CDH13: variants seen among roughly 807,000 people sequenced by gnomAD.
CDH13 encodes the protein cadherin 13.
Under a neutral mutation model 63.8 loss-of-function variants are expected in CDH13, and 24 were observed. The ratio of observed to expected loss-of-function variants is 0.38; its 90% CI spans 0.27 to 0.53. The LOEUF (loss-of-function observed/expected upper bound fraction) is 0.53, where lower values mean the gene tolerates loss of function less well. Ranked by LOEUF, CDH13 falls within the 20% of genes least tolerant of loss-of-function variation. CDH13 has a pLI of 0.85. For synonymous variants in CDH13, 503 were observed against 355.3 expected, an observed-to-expected ratio of 1.42 and a Z score of -4.67; for missense variants, 1,049 against 903.1, an observed-to-expected ratio of 1.16 and a Z score of -2.07.
intron 6 of CDH13, among the ~76,000 whole-genome samples, chr16:83,377,425 T>A (rs2091479472): frequency 6.6e-6 from 1 of 152,132 alleles, no homozygotes; most frequent in Non-Finnish European, 1.5e-5. Context: ...AATTATAGAT[T>A]TAGGTTATAG....
chr16:83,649,196 G>C (rs1912129512), intron 8 of CDH13, among the ~76,000 whole-genome samples: 2 of 152,210 alleles, frequency 1.3e-5, no homozygotes, highest in African/African-American at 4.8e-5. Flanking sequence ...TGCTCCATGT[G>C]GGTTCTATAA....
intron 3 of CDH13, among the ~76,000 whole-genome samples, chr16:83,040,721 A>G (rs745537103): frequency 1.5e-4 from 23 of 152,160 alleles, no homozygotes; most frequent in Non-Finnish European, 3.1e-4. Flanking sequence ...GGGGAACAAT[A>G]TTTTGCATCC....
chr16:82,806,576 G>A (rs908552368), intron 1 of CDH13, among the ~76,000 whole-genome samples: 3 of 152,202 alleles, frequency 2.0e-5, no homozygotes, highest in East Asian at 3.8e-4. Flanking sequence ...CAGAGTGAAA[G>A]TTAAGGAAAG....
intron 8 of CDH13, among the ~76,000 whole-genome samples, chr16:83,611,239 C>T (rs1026904232): frequency 6.6e-6 from 1 of 152,014 alleles, no homozygotes; most frequent in Admixed American, 6.6e-5. Context: ...TCTGGCTTTC[C>T]TCTTCTCTCT....
chr16:82,731,435 A>G (rs1473704705), intron 1 of CDH13, among the ~76,000 whole-genome samples: 3 of 152,250 alleles, frequency 2.0e-5, no homozygotes, highest in South Asian at 2.1e-4. Context: ...AATTTTAAAA[A>G]TGTGTTGATT....
intron 1 of CDH13, among the ~76,000 whole-genome samples, chr16:82,683,847 C>T (rs1209414088): frequency 6.6e-6 from 1 of 152,180 alleles, no homozygotes; most frequent in Non-Finnish European, 1.5e-5. Flanking sequence ...CATTATATTA[C>T]ATATTATTAG....
intron 2 of CDH13, among the ~76,000 whole-genome samples, chr16:82,907,529 T>C (rs891921668): frequency 2.6e-5 from 4 of 152,174 alleles, no homozygotes; most frequent in African/African-American, 9.7e-5. Context: ...CAATGGTCAG[T>C]TATATATTTT....
intron 6 of CDH13, among the ~76,000 whole-genome samples, chr16:83,394,405 G>A (rs1160650059): frequency 6.6e-6 from 1 of 152,152 alleles, no homozygotes; most frequent in East Asian, 1.9e-4. Flanking sequence ...ATAACTGGAG[G>A]TACAGCAGGC....
At chr16:83,549,183 A>G (rs920446704) in intron 7 of CDH13, among the ~76,000 whole-genome samples, 2 of 152,140 alleles carry the variant, frequency 1.3e-5, no homozygotes, top group African/African-American at 4.8e-5. Context: ...GGAAGGACGC[A>G]GACAAGCTGT....
chr16:83,200,243 C>T (rs1047311866), intron 4 of CDH13, among the ~76,000 whole-genome samples: 7 of 152,152 alleles, frequency 4.6e-5, no homozygotes, highest in Admixed American at 1.3e-4. Context: ...ACCAGATGAG[C>T]TTAGCACCGT....
At chr16:83,206,630 G>A (rs563672298) in intron 4 of CDH13, among the ~76,000 whole-genome samples, 1 of 152,344 alleles carries the variant, frequency 6.6e-6, no homozygotes, top group South Asian at 2.1e-4. Context: ...GGATACCAGC[G>A]AATACAATCA....
At chr16:82,846,616 T>C (rs1214948923) in intron 1 of CDH13, among the ~76,000 whole-genome samples, 1 of 152,210 alleles carries the variant, frequency 6.6e-6, no homozygotes, top group African/African-American at 2.4e-5. Context: ...TGCGAATCTT[T>C]ACTCTGAGCT....
intron 7 of CDH13, among the ~76,000 whole-genome samples, chr16:83,492,331 A>C (rs1224048142): frequency 6.6e-6 from 1 of 152,214 alleles, no homozygotes; most frequent in Non-Finnish European, 1.5e-5. Flanking sequence ...CATTATCATC[A>C]TGTTTAAAAC....
chr16:83,678,538 G>C, intron 10 of CDH13, 77 bp downstream of exon 10: 1 of 1,540,854 alleles, frequency 6.5e-7, no homozygotes, highest in Non-Finnish European at 8.9e-7. Flanking sequence ...GAAGCTGGTT[G>C]TCAGGAGCAG....
intron 10 of CDH13, among the ~76,000 whole-genome samples, chr16:83,715,300 G>A (rs1234437160): frequency 6.6e-6 from 1 of 152,192 alleles, no homozygotes; most frequent in African/African-American, 2.4e-5. Flanking sequence ...CTTGATCAGG[G>A]TTTGGATAAT....
intron 1 of CDH13, among the ~76,000 whole-genome samples, chr16:82,807,546 G>T (rs1487670577): frequency 1.4e-5 from 2 of 140,166 alleles, no homozygotes; most frequent in South Asian, 5.3e-4. Context: ...AAAACCATCT[G>T]GGTAAAAATG....
At chr16:83,289,624 A>G (rs1037435734) in intron 5 of CDH13, among the ~76,000 whole-genome samples, 1 of 152,180 alleles carries the variant, frequency 6.6e-6, no homozygotes, top group Non-Finnish European at 1.5e-5. Context: ...TGCCAGGGAC[A>G]TCTAAGGGCA....
At chr16:83,298,422 T>C (rs2089654784) in intron 5 of CDH13, among the ~76,000 whole-genome samples, 2 of 152,168 alleles carry the variant, frequency 1.3e-5, no homozygotes, top group Non-Finnish European at 2.9e-5. Context: ...ACAATAGGCA[T>C]CAAAATTTCT....
At chr16:82,973,791 T>C (rs112510901) in intron 2 of CDH13, among the ~76,000 whole-genome samples, 32 of 152,354 alleles carry the variant, frequency 2.1e-4, no homozygotes, top group African/African-American at 7.5e-4. Flanking sequence ...TGCACAAATA[T>C]GTCTTTTTGC....
Sources: allele counts gnomAD v4.1 joint callset (sites outside exome capture counted in the v4.1 genomes callset), GRCh38; gene constraint gnomAD v4.1.1; transcripts MANE v1.5; gene names NCBI Gene and HGNC (gene_info 2026-07-23, HGNC 2026-07-21).